EFEMP1: variants seen among roughly 807,000 people sequenced by gnomAD.
The protein encoded by EFEMP1 is EGF-like fibulin extracellular matrix protein 1, also known as EGF-containing fibulin-like extracellular matrix protein 1.
In EFEMP1, 18 loss-of-function variants were observed where a neutral mutation model predicts 65.7. The ratio of observed to expected loss-of-function variants is 0.27; its 90% CI spans 0.19 to 0.41. The LOEUF (loss-of-function observed/expected upper bound fraction) is 0.41. Ranked by LOEUF, EFEMP1 falls within the 10% of genes least tolerant of loss-of-function variation. The pLI is 1.00. For synonymous variants in EFEMP1, 237 were observed against 219.7 expected (o/e 1.08, Z -0.70); for missense variants, 469 against 624.8 (o/e 0.75, Z 2.66).
chr2:55,892,863 A>G (rs1669683482), intron 5 of EFEMP1, among the ~76,000 whole-genome samples: 1 of 152,126 alleles, frequency 6.6e-6, no homozygotes, highest in African/African-American at 2.4e-5. Flanking sequence ...ACGTTCTTAG[A>G]TCTGTTATAT....
At chr2:55,903,109 T>G (rs894388514) in intron 5 of EFEMP1, among the ~76,000 whole-genome samples, 3 of 152,238 alleles carry the variant, frequency 2.0e-5, no homozygotes, top group African/African-American at 7.2e-5. Context: ...TGGGAACTTT[T>G]GTCTCTTGCT....
In EFEMP1 at chr2:55,867,215, G is replaced by T; in HGVS notation, c.1340C>A (p.Ala447Glu). The T allele has an allele frequency of 6.2e-7, 1 of 1,613,922 alleles. No homozygotes were observed. Among genetic ancestry groups the T allele is most frequent in the Non-Finnish European group, 8.5e-7 (1 of 1,179,900 alleles). Residue 447 changes from alanine to glutamate, a missense_variant, in exon 12 of 12, where the codon GCA becomes GAA. By Grantham distance (107) the Ala-to-Glu change is moderately radical (BLOSUM62 -1). Around this residue, in one of 3 missense-constraint regions of EFEMP1, gnomAD observed 399 missense variants for 528.2 expected, o/e 0.76. Transcript: ENST00000355426. This position sits in a 1 kb window ranked among gnomAD's most constrained non-coding sequence, Gnocchi z 4.3. ...TAATGACTTCACGAGCACAAGCATT[G>T]CACTTACAGGACTTGTTTGCTAAAA... ...FYLRQTSPVS[A>E]MLVLVKSLSG...
rs1364117930 is a variant in EFEMP1 at position 55,883,138 on chromosome 2, A to G, written c.518-1404T>C. Reference sequence around the variant, plus strand: ...GATAAGAAAGAGGGAGGGGAGATGAAAAATACTTGAGTGATGTATGGCTAT... The same window carrying G: ...GATAAGAAAGAGGGAGGGGAGATGAGAAATACTTGAGTGATGTATGGCTAT... On this transcript the variant is annotated intron_variant, in intron 5 of 11. Coordinates refer to ENST00000355426, the MANE Select transcript of EFEMP1 (RefSeq NM_001039348.3). This position sits in a 1 kb window ranked among gnomAD's most constrained non-coding sequence, Gnocchi z 4.5. Among the ~76,000 whole-genome samples the G allele has an allele frequency of 6.6e-6, 1 of 152,182 alleles. No individual in the cohort carries two copies. The highest frequency in any genetic ancestry group is 1.5e-5 in the Non-Finnish European group (1 of 68,028).
intron 5 of EFEMP1, among the ~76,000 whole-genome samples, chr2:55,909,866 C>G (rs1670416831): frequency 6.6e-6 from 1 of 152,112 alleles, no homozygotes; most frequent in Non-Finnish European, 1.5e-5. Flanking sequence ...TACAAATTCC[C>G]TAAAGACTAT....
At chr2:55,892,332 A>C (rs375649178) in intron 5 of EFEMP1, among the ~76,000 whole-genome samples, 4 of 152,190 alleles carry the variant, frequency 2.6e-5, no homozygotes, top group African/African-American at 9.6e-5. Context: ...TTTTAAAAGT[A>C]TTTGTTTTCT....
In EFEMP1 at chr2:55,883,675, C is replaced by T. The variant is rs1669326448; in HGVS notation, c.518-1941G>A. On this transcript the variant is annotated intron_variant, in intron 5 of 11. Coordinates refer to ENST00000355426, the MANE Select transcript of EFEMP1 (RefSeq NM_001039348.3). The surrounding 1 kb of genome is among the most constrained non-coding windows in gnomAD (Gnocchi z 4.5). ...CATCTATCTGCAAACTGCCTCCACC[C>T]CGCTGCATTCCTACAACTGATGCCC... Among the ~76,000 whole-genome samples the T allele has an allele frequency of 6.6e-6, 1 of 152,144 alleles. No individual in the cohort carries two copies. The highest frequency in any genetic ancestry group is 2.4e-5 in the African/African-American group (1 of 41,416).
In EFEMP1 at chr2:55,866,791, A is replaced by G. The variant is rs567064404; in HGVS notation, c.*282T>C. 63 of 365,264 alleles carry G rather than the reference A, an allele frequency of 1.7e-4. No individual in the cohort carries two copies. In the South Asian group the frequency reaches 1.8e-3, roughly 10 times the overall value. The allele number at this position is 365,264 out of a possible 1,614,324, so 22.6% of individuals were successfully genotyped here. On this transcript the variant is annotated 3_prime_UTR_variant, in exon 12 of 12. Transcript: ENST00000355426. ...ATCATCATTGCTTGGTCCCACTTTTATAGGAAAGAATCCAAGTTTCACCAG... is the reference window on the plus strand; with the variant it reads ...ATCATCATTGCTTGGTCCCACTTTTGTAGGAAAGAATCCAAGTTTCACCAG...
Position 55,922,056 on chromosome 2 carries a change from T to C in EFEMP1, c.81+304A>G, listed in dbSNP as rs888374425. 8.0e-6 allele frequency: 3 copies of C among 376,250 alleles called. No homozygotes were observed. Among genetic ancestry groups the C allele is most frequent in the Non-Finnish European group, 1.5e-5 (3 of 195,178 alleles). The allele number at this position is 376,250 out of a possible 1,614,324, so 23.3% of individuals were successfully genotyped here. ...TTTTCCAGTTCCTTACACCCATTAATTTGTTGAATGTTTTGGAAACATGTA... is the reference window on the plus strand; with the variant it reads ...TTTTCCAGTTCCTTACACCCATTAACTTGTTGAATGTTTTGGAAACATGTA... On this transcript the variant is annotated intron_variant, in intron 3 of 11. Transcript: ENST00000355426. The surrounding 1 kb of genome is among the most constrained non-coding windows in gnomAD (Gnocchi z 5.5).
intron 6 of EFEMP1, among the ~76,000 whole-genome samples, chr2:55,879,271 A>G (rs369402387): frequency 1.3e-5 from 2 of 152,310 alleles, no homozygotes; most frequent in Admixed American, 1.3e-4. Context: ...AATAAACATT[A>G]TTCGAATAAA....
intron 5 of EFEMP1, among the ~76,000 whole-genome samples, chr2:55,895,544 CTTTTT>C (rs11439731): frequency 7.2e-6 from 1 of 138,548 alleles, no homozygotes; most frequent in Middle Eastern, 3.5e-3. Flanking sequence ...CACAAATTAT[CTTTTT>C]TTTTTTTTTT....
chr2:55,910,299 A>G (rs1448208697), intron 5 of EFEMP1, among the ~76,000 whole-genome samples: 1 of 152,174 alleles, frequency 6.6e-6, no homozygotes, highest in Non-Finnish European at 1.5e-5. Flanking sequence ...TTTTGCCAAT[A>G]TTTGAAATGC....
chr2:55,896,926 G>C (rs1190458977), intron 5 of EFEMP1, among the ~76,000 whole-genome samples: 1 of 152,072 alleles, frequency 6.6e-6, no homozygotes, highest in Non-Finnish European at 1.5e-5. Flanking sequence ...TTCATGTACT[G>C]CACACTGAAG....
At chr2:55,891,383 A>C (rs1669620728) in intron 5 of EFEMP1, among the ~76,000 whole-genome samples, 1 of 152,088 alleles carries the variant, frequency 6.6e-6, no homozygotes, top group African/African-American at 2.4e-5. Context: ...TTGAATCTGA[A>C]CGGTGGGTGT....
At chr2:55,874,838 T>C (rs1668962917) in intron 9 of EFEMP1, 108 bp downstream of exon 9, 2 of 1,216,058 alleles carry the variant, frequency 1.6e-6, no homozygotes, top group African/African-American at 1.6e-5. Flanking sequence ...TTAAATTGTA[T>C]ATTGAAAGTG....
At chr2:55,897,293 C>T (rs1417952956) in intron 5 of EFEMP1, among the ~76,000 whole-genome samples, 2 of 152,288 alleles carry the variant, frequency 1.3e-5, no homozygotes, top group East Asian at 3.9e-4. Flanking sequence ...GATCCAGCTA[C>T]AGGATACCTA....
In EFEMP1 at chr2:55,917,605, T is replaced by C. The variant is rs1303616750; in HGVS notation, c.517+60A>G. ...AGTCCTTAATAAATTATCATCATCC[T>C]CACCACGAGGTGCACTTGGGCAAAA... On this transcript the variant is annotated intron_variant, in intron 5 of 11. Transcript: ENST00000355426. This position sits in a 1 kb window ranked among gnomAD's most constrained non-coding sequence, Gnocchi z 6.3. 3.1e-6 allele frequency: 5 copies of C among 1,608,888 alleles called. No individual in the cohort carries two copies. In the Admixed American group the frequency reaches 8.3e-5, roughly 27 times the overall value.
At chr2:55,912,340 G>A (rs1033441528) in intron 5 of EFEMP1, among the ~76,000 whole-genome samples, 1 of 152,190 alleles carries the variant, frequency 6.6e-6, no homozygotes, top group Admixed American at 6.5e-5. Context: ...AAAGGGCAGT[G>A]TTTGAAAGCT....
intron 5 of EFEMP1, among the ~76,000 whole-genome samples, chr2:55,908,650 C>T (rs955978182): frequency 2.6e-5 from 4 of 152,014 alleles, no homozygotes; most frequent in African/African-American, 7.3e-5. Flanking sequence ...TTAATCATCC[C>T]ATAGTGTATA....
intron 5 of EFEMP1, among the ~76,000 whole-genome samples, chr2:55,904,767 GT>G (rs1670178867): frequency 6.6e-6 from 1 of 152,014 alleles, no homozygotes; most frequent in African/African-American, 2.4e-5. Context: ...GGCTTTCCTT[GT>G]TTTCCAGCTT....
Sources: gnomAD v4.1 joint callset for allele counts (sites outside exome capture counted in the v4.1 genomes callset) on GRCh38, gnomAD v4.1.1 for gene constraint, gnomAD v4.1.1 regional missense constraint, Gnocchi (gnomAD v3.1) non-coding constraint, MANE v1.5 for transcripts, NCBI Gene and HGNC (gene_info 2026-07-23, HGNC 2026-07-21) for gene names.